RNF135: variants seen among roughly 807,000 people sequenced by gnomAD.
RNF135 encodes ring finger protein 135.
In RNF135, 46 loss-of-function variants were observed where a neutral mutation model predicts 41.9. The ratio of observed to expected loss-of-function variants is 1.10; its 90% confidence interval spans 0.87 to 1.40. The LOEUF (loss-of-function observed/expected upper bound fraction) is 1.40. RNF135 is among the 40% of genes most tolerant of loss of function. RNF135 has a pLI of 0.00. For missense variants in RNF135, 539 were observed against 549.8 expected (o/e 0.98, Z 0.20); for synonymous variants, 238 against 223.8 (o/e 1.06, Z -0.57).
intron 3 of RNF135, among the ~76,000 whole-genome samples, chr17:30,996,881 A>C (rs1431711221): frequency 6.6e-6 from 1 of 152,210 alleles, no homozygotes; most frequent in East Asian, 1.9e-4. Flanking sequence ...TCTAGGTGTT[A>C]GGGTGCTGCA....
chr17:30,964,442 T>G, the RNF135 span, among the ~76,000 whole-genome samples: 8 of 125,976 alleles, frequency 6.4e-5, no homozygotes, highest in African/African-American at 2.6e-4. Flanking sequence ...GAAAAGAAAC[T>G]GATAGGACAT....
rs1261839882 is a variant in RNF135 at position 30,971,106 on chromosome 17, C to G, written c.33C>G (p.Pro11=). ...GCCTGGGCCTGGGCTCCGCCGTTCCCGTGTGGCTGGCCGAGGACGACCTCG... is the reference window on the plus strand; with the variant it reads ...GCCTGGGCCTGGGCTCCGCCGTTCCGGTGTGGCTGGCCGAGGACGACCTCG... MAGLGLGSAV[P]VWLAEDDLGC... is the part of the protein sequence containing the mutation. The change falls in exon 1 of 5, where the codon CCC becomes CCG. Residue 11 remains proline, a synonymous_variant. Coordinates refer to ENST00000328381, the MANE Select transcript of RNF135 (RefSeq NM_032322.4). 1.3e-6 allele frequency: 2 copies of G among 1,534,396 alleles called. No individual in the cohort carries two copies. The highest frequency in any genetic ancestry group is 4.9e-5 in the East Asian group (2 of 40,864).
rs1483631327 is a variant in RNF135, at chr17:30,998,643, T to C, written c.770-19T>C. On this transcript the variant is annotated intron_variant, in intron 4 of 4. Coordinates refer to ENST00000328381, the MANE Select transcript of RNF135 (RefSeq NM_032322.4). ...AGATGACCGGCCATGTTCTTATTGT[T>C]CTTTTTTTTTTTCCAAAGGGGCCAT... 17 of 1,605,838 alleles carry C rather than the reference T, an allele frequency of 1.1e-5. No homozygotes were observed. Among genetic ancestry groups the C allele is most frequent in the Middle Eastern group, 3.3e-4 (2 of 6,070 alleles).
chr17:30,986,680 G>A (rs115239346), intron 2 of RNF135, among the ~76,000 whole-genome samples: 156 of 152,286 alleles, frequency 1.0e-3, no homozygotes, highest in African/African-American at 3.4e-3. Context: ...TCACTCACTA[G>A]TATTATGACC....
At chr17:30,963,783 GT>G in the RNF135 span, among the ~76,000 whole-genome samples, 2 of 151,962 alleles carry the variant, frequency 1.3e-5, no homozygotes, top group Non-Finnish European at 2.9e-5. Context: ...GCTGACTTTT[GT>G]TGCTGACAAA....
intron 1 of RNF135, among the ~76,000 whole-genome samples, chr17:30,983,783 A>G (rs1200906515): frequency 2.7e-5 from 4 of 149,936 alleles, no homozygotes; most frequent in Admixed American, 2.7e-4. Flanking sequence ...TTTTTTTGAT[A>G]GTAGCCAACC....
intron 3 of RNF135, among the ~76,000 whole-genome samples, chr17:30,990,222 T>C (rs928085634): frequency 2.0e-5 from 3 of 151,804 alleles, no homozygotes; most frequent in African/African-American, 7.3e-5. Context: ...TAAAATTTCA[T>C]ATTCAAAAAT....
At chr17:30,988,584 T>A (rs1042430827) in intron 3 of RNF135, among the ~76,000 whole-genome samples, 1 of 151,438 alleles carries the variant, frequency 6.6e-6, no homozygotes, top group East Asian at 1.9e-4. Flanking sequence ...CCCGCCACCA[T>A]GCTGGCTAAT....
rs761178249 is a variant in RNF135, at chr17:30,998,677, C to A, written c.785C>A (p.Thr262Asn). 1 of 1,613,912 alleles carries A rather than the reference C, an allele frequency of 6.2e-7. No homozygotes were observed. The highest frequency in any genetic ancestry group is 2.2e-5 in the East Asian group (1 of 44,882). The change falls in exon 5 of 5, where the codon ACC becomes AAC. Residue 262 changes from threonine (T) to asparagine (N), a missense_variant. Physicochemically the swap from Thr to Asn is moderately conservative, Grantham distance 65 (BLOSUM62 0). Coordinates refer to ENST00000328381, the MANE Select transcript of RNF135 (RefSeq NM_032322.4). ...SRFAQWAIHP[T>N]FNLKSLSCSL... The stretch of plus-strand genomic sequence containing the variant: ...TTTTCCAAAGGGGCCATCCATCCAA[C>A]CTTTAACTTGAAGAGCCTTTCCTGC...
chr17:30,967,599 T>C (rs1403920593), upstream of RNF135, among the ~76,000 whole-genome samples: 4 of 151,968 alleles, frequency 2.6e-5, no homozygotes, highest in Admixed American at 6.6e-5. Context: ...TATTACAAAG[T>C]GATAAAAGAC....
At chr17:30,964,316 G>A in the RNF135 span, among the ~76,000 whole-genome samples, 16 of 145,940 alleles carry the variant, frequency 1.1e-4, no homozygotes, top group African/African-American at 4.0e-4. Flanking sequence ...TTGAACCCGG[G>A]AGGCAAATGT....
intron 1 of RNF135, chr17:30,973,039 G>T (rs1308964446): frequency 1.3e-5 from 2 of 152,302 alleles, no homozygotes; most frequent in Non-Finnish European, 2.9e-5. Context: ...CTCCGGAAGT[G>T]TTGGGATTAC....
intron 1 of RNF135, among the ~76,000 whole-genome samples, chr17:30,976,295 C>T (rs900805572): frequency 7.9e-5 from 12 of 152,214 alleles, no homozygotes; most frequent in Non-Finnish European, 1.3e-4. Flanking sequence ...TGAACCACCA[C>T]GCCCAGCCTA....
At chr17:30,967,435 T>C (rs1042547125), upstream of RNF135, among the ~76,000 whole-genome samples, 1 of 152,212 alleles carries the variant, frequency 6.6e-6, no homozygotes, top group Non-Finnish European at 1.5e-5. Context: ...ATAAAAGTTA[T>C]AAATTGCAGC....
At chr17:30,971,503 C>T in intron 1 of RNF135, 58 bp downstream of exon 1, 2 of 1,428,126 alleles carry the variant, frequency 1.4e-6, no homozygotes, top group Non-Finnish European at 1.8e-6. Context: ...CCGCCTGACC[C>T]TTTCCCATGT....
chr17:30,997,626 C>A (rs1160138022), intron 4 of RNF135: 4 of 473,564 alleles, frequency 8.4e-6, no homozygotes, highest in Non-Finnish European at 1.7e-5. Context: ...CTGTGGCCAC[C>A]AACTATAGCC....
At chr17:30,989,742 G>A (rs1907853786) in intron 3 of RNF135, among the ~76,000 whole-genome samples, 1 of 152,156 alleles carries the variant, frequency 6.6e-6, no homozygotes, top group Non-Finnish European at 1.5e-5. Flanking sequence ...GCTTATGCCT[G>A]TAATCCCAGC....
rs7220978 is a variant in RNF135, at chr17:30,988,175, G to C, written c.679+69G>C. ...TGGGGGGAGTAGCAGAGTGCTCTAT[G>C]GCTTTGTTCTCTGGGGATAGGATCC... On this transcript the variant is annotated intron_variant, in intron 3 of 4. Coordinates refer to ENST00000328381, the MANE Select transcript of RNF135 (RefSeq NM_032322.4). The C allele has an allele frequency of 0.036, 52,812 of 1,456,740 alleles. 10,540 individuals are homozygous for C. In the African/African-American group the frequency reaches 0.53, roughly 15 times the overall value. The allele number at this position is 1,456,740 out of a possible 1,614,324, so 90.2% of individuals were successfully genotyped here. A position where few individuals can be genotyped will look rare whatever the true frequency, so the allele number is the denominator to read the frequency against.
chr17:30,968,334 A>G (rs1327739908), upstream of RNF135, among the ~76,000 whole-genome samples: 1 of 150,826 alleles, frequency 6.6e-6, no homozygotes, highest in African/African-American at 2.4e-5. Flanking sequence ...ATTTGCTAAT[A>G]TATTTTTACT....
Sources: allele counts gnomAD v4.1 joint callset (sites outside exome capture counted in the v4.1 genomes callset), GRCh38; gene constraint gnomAD v4.1.1; transcripts MANE v1.5; gene names NCBI Gene and HGNC (gene_info 2026-07-23, HGNC 2026-07-21).